Variants in IAPP observed in about 807,000 individuals in gnomAD.
IAPP encodes the protein islet amyloid polypeptide.
IAPP carries 4 observed loss-of-function variants against 2.9 expected under a neutral mutation model. The observed-to-expected ratio is 1.39, with a 90% confidence interval of 0.69 to 3.19. IAPP has a LOEUF of 3.19. IAPP is among the 30% of genes most tolerant of loss of function. IAPP has a pLI of 0.01. For missense variants in IAPP, 114 were observed against 105.3 expected, an observed-to-expected ratio of 1.08 and a Z score of -0.36; for synonymous variants, 40 against 42.1, an observed-to-expected ratio of 0.95 and a Z score of 0.19.
At position 21,379,571 on chromosome 12, in the gene IAPP, T is replaced by C. The variant is rs1029257292; in HGVS notation, c.*1145T>C. 1 of 152,220 alleles carries C rather than the reference T, an allele frequency of 6.6e-6. No individual in the cohort carries two copies. The allele number at this position is 152,220 out of a possible 1,614,324, so 9.4% of individuals were successfully genotyped here. A position where few individuals can be genotyped will look rare whatever the true frequency, so the allele number is the denominator to read the frequency against. On this transcript the variant is annotated 3_prime_UTR_variant, in exon 3 of 3. Coordinates refer to ENST00000240652, the MANE Select transcript of IAPP (RefSeq NM_000415.3). ...TATGTATATGATACACTTTTTTTGATAGCAGCTGCAATGTTGGACAGAAGA... is the reference window on the plus strand; with the variant it reads ...TATGTATATGATACACTTTTTTTGACAGCAGCTGCAATGTTGGACAGAAGA...
At position 21,378,389 on chromosome 12, in the gene IAPP, T is replaced by A; in HGVS notation, c.233T>A (p.Val78Asp). The change falls in exon 3 of 3, where the codon GTT becomes GAT. Residue 78 changes from valine (V) to aspartate (D), a missense_variant. Transcript: ENST00000240652. ...TATGGCAAGAGGAATGCAGTAGAGG[T>A]TTTAAAGAGAGAGCCACTGAATTAC... ...NTYGKRNAVE[V>D]LKREPLNYLP... The A allele has an allele frequency of 6.2e-7, 1 of 1,613,718 alleles. No homozygotes were observed. Among genetic ancestry groups the A allele is most frequent in the Admixed American group, 1.7e-5 (1 of 59,972 alleles).
intron 1 of IAPP, among the ~76,000 whole-genome samples, chr12:21,361,602 A>C (rs1938891178): frequency 6.6e-6 from 1 of 152,234 alleles, no homozygotes; most frequent in South Asian, 2.1e-4. Context: ...TCCGAGCTAA[A>C]GGAGGATGTT....
Position 21,373,390 on chromosome 12 carries a change from C to T in IAPP, c.39C>T (p.Leu13=). ...AGCTGCAAGTATTTCTCATTGTGCT[C>T]TCTGTTGCATTGAACCATCTGAAAG... ...ILKLQVFLIV[L]SVALNHLKAT... Residue 13 remains leucine (L), a synonymous_variant, in exon 2 of 3, where the codon CTC becomes CTT. Transcript: ENST00000240652. The T allele has an allele frequency of 1.2e-6, 2 of 1,613,574 alleles. No homozygotes were observed. Among genetic ancestry groups the T allele is most frequent in the Non-Finnish European group, 1.7e-6 (2 of 1,179,652 alleles).
upstream of IAPP, among the ~76,000 whole-genome samples, chr12:21,370,161 G>A (rs758300524): frequency 2.4e-4 from 37 of 152,108 alleles, no homozygotes; most frequent in Non-Finnish European, 5.0e-4. Flanking sequence ...GAGTAGCTCT[G>A]TAACCTTAAG....
chr12:21,367,237 C>A (rs1427884023), intron 1 of IAPP, among the ~76,000 whole-genome samples: 1 of 152,092 alleles, frequency 6.6e-6, no homozygotes, highest in Non-Finnish European at 1.5e-5. Context: ...TGCTCAGAAA[C>A]AAAAGGTCTC....
At chr12:21,370,629 T>C (rs1939714540), upstream of IAPP, among the ~76,000 whole-genome samples, 1 of 152,040 alleles carries the variant, frequency 6.6e-6, no homozygotes, top group African/African-American at 2.4e-5. Context: ...AGGATCCATT[T>C]TGAATGTTAT....
chr12:21,363,430 A>G (rs1007414902), intron 1 of IAPP, among the ~76,000 whole-genome samples: 6 of 152,236 alleles, frequency 3.9e-5, no homozygotes, highest in African/African-American at 1.2e-4. Context: ...CTAAATGCCC[A>G]CAAGACAAAG....
chr12:21,365,244 A>G (rs1233339415), intron 1 of IAPP, among the ~76,000 whole-genome samples: 1 of 152,188 alleles, frequency 6.6e-6, no homozygotes, highest in Non-Finnish European at 1.5e-5. Context: ...ATAATACCAC[A>G]CATCTACAAC....
At chr12:21,374,304 G>A (rs147793988) in intron 2 of IAPP, 14 of 152,344 alleles carry the variant, frequency 9.2e-5, no homozygotes, top group African/African-American at 2.6e-4. Context: ...AAATAACATA[G>A]TGAGGATTTG....
At chr12:21,356,025 A>G (rs976751254) in intron 1 of IAPP, among the ~76,000 whole-genome samples, 1 of 152,128 alleles carries the variant, frequency 6.6e-6, no homozygotes, top group African/African-American at 2.4e-5. Flanking sequence ...GAAATTATAC[A>G]GGATTATCAC....
At chr12:21,356,214 A>C (rs1018305600) in intron 1 of IAPP, among the ~76,000 whole-genome samples, 3 of 151,966 alleles carry the variant, frequency 2.0e-5, no homozygotes, top group Non-Finnish European at 4.4e-5. Context: ...GTAAGAATTA[A>C]ATTTAAAATA....
intron 2 of IAPP, among the ~76,000 whole-genome samples, chr12:21,375,123 T>C (rs1940095782): frequency 6.6e-6 from 1 of 152,204 alleles, no homozygotes; most frequent in Non-Finnish European, 1.5e-5. Flanking sequence ...CAGACCATTA[T>C]GTTTTTATAG....
chr12:21,356,800 G>T (rs1938403069), intron 1 of IAPP, among the ~76,000 whole-genome samples: 1 of 151,968 alleles, frequency 6.6e-6, no homozygotes, highest in Admixed American at 6.6e-5. Context: ...GTATAAAGAA[G>T]GATTTGTAAG....
chr12:21,375,721 A>G (rs778692351), intron 2 of IAPP, among the ~76,000 whole-genome samples: 1 of 152,350 alleles, frequency 6.6e-6, no homozygotes, highest in African/African-American at 2.4e-5. Context: ...CTTTAAAGTC[A>G]TTTTGAAAAC....
chr12:21,378,134 T>C, intron 2 of IAPP, 103 bp from the exon 3 acceptor site: 2 of 1,072,392 alleles, frequency 1.9e-6, no homozygotes, highest in Non-Finnish European at 1.4e-6. Flanking sequence ...TATGTGAAAA[T>C]TGTTTCTTTG....
At chr12:21,366,245 T>C (rs1206373419) in intron 1 of IAPP, among the ~76,000 whole-genome samples, 2 of 152,112 alleles carry the variant, frequency 1.3e-5, no homozygotes, top group Admixed American at 6.5e-5. Flanking sequence ...TCATATCCTT[T>C]ATAGAGACAT....
chr12:21,356,998 C>T (rs994683334), intron 1 of IAPP, among the ~76,000 whole-genome samples: 3 of 149,866 alleles, frequency 2.0e-5, no homozygotes, highest in Non-Finnish European at 3.0e-5. Flanking sequence ...AAATATTGAC[C>T]ACAAAATAGT....
At chr12:21,367,850 C>CA (rs1353597085) in intron 1 of IAPP, among the ~76,000 whole-genome samples, 2 of 151,754 alleles carry the variant, frequency 1.3e-5, no homozygotes, top group African/African-American at 4.8e-5. Context: ...AAGTATATTT[C>CA]AAAAAAATGA....
At chr12:21,373,756 C>T in intron 2 of IAPP, 1 of 692,128 alleles carries the variant, frequency 1.4e-6, no homozygotes, top group Non-Finnish European at 2.6e-6. Context: ...TCTATATTAA[C>T]CTGATACTGA....
Sources: gnomAD v4.1 joint callset for allele counts (sites outside exome capture counted in the v4.1 genomes callset) on GRCh38, gnomAD v4.1.1 for gene constraint, MANE v1.5 for transcripts, NCBI Gene and HGNC (gene_info 2026-07-23, HGNC 2026-07-21) for gene names.